The following KIAA1217 variants were observed in gnomAD, a reference collection of about 807,000 sequenced individuals.
The protein encoded by KIAA1217 is sickle tail protein homolog.
In KIAA1217, 88 loss-of-function variants were observed where a neutral mutation model predicts 163.9. The observed-to-expected ratio is 0.54, with a 90% CI of 0.45 to 0.64. KIAA1217 has a LOEUF of 0.64. Among genes scored for constraint, KIAA1217 ranks in the 30% least tolerant of loss-of-function variants. The pLI is 0.00. For synonymous variants in KIAA1217, 903 were observed against 923.1 expected (o/e 0.98, Z 0.39); for missense variants, 2,372 against 2,475.0 (o/e 0.96, Z 0.88).
intron 1 of KIAA1217, among the ~76,000 whole-genome samples, chr10:23,741,291 C>A (rs1452111496): frequency 2.0e-5 from 3 of 152,186 alleles, no homozygotes; most frequent in Non-Finnish European, 4.4e-5. Context: ...TGACAACATT[C>A]TTTAAAGATC....
intron 2 of KIAA1217, among the ~76,000 whole-genome samples, chr10:24,257,371 A>G (rs1185240312): frequency 6.6e-6 from 1 of 152,180 alleles, no homozygotes; most frequent in African/African-American, 2.4e-5. Flanking sequence ...ACCATACTCC[A>G]AATTCCCCTG....
chr10:24,054,415 G>A (rs534694806), intron 2 of KIAA1217, among the ~76,000 whole-genome samples: 1 of 152,268 alleles, frequency 6.6e-6, no homozygotes, highest in Non-Finnish European at 1.5e-5. Flanking sequence ...AAAAGAGAAT[G>A]TGGCCCATCT....
At chr10:24,239,695 G>T (rs112463809) in intron 2 of KIAA1217, among the ~76,000 whole-genome samples, 71 of 140,892 alleles carry the variant, frequency 5.0e-4, no homozygotes, top group East Asian at 1.0e-3. Flanking sequence ...GTGTGTGTGT[G>T]TTTGTGTGTG....
At chr10:24,254,494 A>G (rs567089845) in intron 2 of KIAA1217, among the ~76,000 whole-genome samples, 4 of 152,306 alleles carry the variant, frequency 2.6e-5, no homozygotes, top group African/African-American at 9.6e-5. Flanking sequence ...AGGCCATACC[A>G]TTAGGAAATG....
chr10:24,171,963 C>T (rs2065651997), intron 2 of KIAA1217, among the ~76,000 whole-genome samples: 2 of 152,150 alleles, frequency 1.3e-5, no homozygotes, highest in African/African-American at 4.8e-5. Context: ...ATCCTCACAA[C>T]ATCCTCTGAG....
chr10:23,780,693 T>C (rs1167831708), intron 1 of KIAA1217, among the ~76,000 whole-genome samples: 2 of 152,168 alleles, frequency 1.3e-5, no homozygotes, highest in East Asian at 3.9e-4. Flanking sequence ...TTTGGGAGGG[T>C]GGGGGGAATG....
At chr10:23,828,352 A>G (rs1219111196) in intron 1 of KIAA1217, among the ~76,000 whole-genome samples, 1 of 152,130 alleles carries the variant, frequency 6.6e-6, no homozygotes, top group Non-Finnish European at 1.5e-5. Flanking sequence ...CCTGCTCTCC[A>G]AACTTCTAGA....
chr10:23,900,463 A>T (rs929982685), intron 1 of KIAA1217, among the ~76,000 whole-genome samples: 6 of 152,100 alleles, frequency 3.9e-5, no homozygotes, highest in African/African-American at 1.4e-4. Flanking sequence ...ATGATATATG[A>T]GACAGTCTCA....
chr10:24,299,510 C>T (rs575132885), intron 2 of KIAA1217, among the ~76,000 whole-genome samples: 92 of 152,220 alleles, frequency 6.0e-4, no homozygotes, highest in Non-Finnish European at 9.9e-4. Flanking sequence ...ACAGTCCTCC[C>T]ACCTCAGCCT....
chr10:24,524,714 A>G lies in KIAA1217; in HGVS notation c.2848A>G (p.Ile950Val), dbSNP rs1222361888. 6.2e-7 allele frequency: 1 copy of G among 1,611,184 alleles called. No individual in the cohort carries two copies. The highest frequency in any genetic ancestry group is 8.5e-7 in the Non-Finnish European group (1 of 1,177,788). ...MNGSAMQSLF[I>V]EEIHSVSAKN... ...TGGGTCTGCCATGCAGAGCTTGTTCATTGAAGAAATCCACAGTGTGAGTGC... is the reference window on the plus strand; with the variant it reads ...TGGGTCTGCCATGCAGAGCTTGTTCGTTGAAGAAATCCACAGTGTGAGTGC... Residue 950 changes from isoleucine (I) to valine (V), a missense_variant, in exon 13 of 21, where the codon ATT (isoleucine) becomes GTT (valine). Coordinates refer to ENST00000376454, the MANE Select transcript of KIAA1217 (RefSeq NM_019590.5).
intron 1 of KIAA1217, among the ~76,000 whole-genome samples, chr10:23,924,349 C>CAATG (rs1842949246): frequency 2.0e-5 from 3 of 151,886 alleles, no homozygotes; most frequent in African/African-American, 7.3e-5. Context: ...CCAGAATGAC[C>CAATG]AAAGAACAAA....
Position 24,171,171 on chromosome 10 carries a change from G to A in KIAA1217, c.-170-48455G>A, listed in dbSNP as rs1343066595. Among the ~76,000 whole-genome samples, 9 of 152,338 alleles carry A rather than the reference G, an allele frequency of 5.9e-5. No individual in the cohort carries two copies. The East Asian group carries it at 1.5e-3, about 26-fold the overall frequency. Reference sequence around the variant, plus strand: ...CAGCCAAATTAGGTACTCCCAGAATGTGAGTGCTCCGAGCAAATGGGTTTG... The same window carrying A: ...CAGCCAAATTAGGTACTCCCAGAATATGAGTGCTCCGAGCAAATGGGTTTG... On this transcript the variant is annotated intron_variant, in intron 2 of 18. Transcript: ENST00000376462.
chr10:24,197,381 CCT>C (rs1308473573), intron 2 of KIAA1217, among the ~76,000 whole-genome samples: 1 of 152,196 alleles, frequency 6.6e-6, no homozygotes, highest in African/African-American at 2.4e-5. Flanking sequence ...AATTTTCATC[CCT>C]GTTTCTAGAA....
chr10:23,733,603 A>T (rs1414451), intron 1 of KIAA1217, among the ~76,000 whole-genome samples: 2 of 151,818 alleles, frequency 1.3e-5, no homozygotes, highest in Admixed American at 6.6e-5. Context: ...TTTAAAATTC[A>T]TATTATTTTT....
At chr10:23,883,869 G>T (rs899083865) in intron 1 of KIAA1217, among the ~76,000 whole-genome samples, 1 of 151,820 alleles carries the variant, frequency 6.6e-6, no homozygotes. Flanking sequence ...AGTTGGAATC[G>T]CATTGTATGT....
intron 2 of KIAA1217, among the ~76,000 whole-genome samples, chr10:24,117,054 G>C (rs973034227): frequency 6.6e-6 from 1 of 151,510 alleles, no homozygotes; most frequent in Non-Finnish European, 1.5e-5. Context: ...TTGGGTGGGG[G>C]GGGATGGAGT....
intron 2 of KIAA1217, among the ~76,000 whole-genome samples, chr10:24,258,191 C>A (rs1564357373): frequency 6.6e-6 from 1 of 152,066 alleles, no homozygotes; most frequent in Non-Finnish European, 1.5e-5. Flanking sequence ...CTCAACCTAA[C>A]TCTGATGAGG....
chr10:23,698,786 AT>A lies in KIAA1217; in HGVS notation c.-321+3561del, dbSNP rs879270835. 4.0e-5 allele frequency among the ~76,000 whole-genome samples: 6 copies of A among 151,088 alleles called. No individual in the cohort carries two copies. In the East Asian group the frequency reaches 7.8e-4, roughly 20 times the overall value. ...GGCAGTCTAACGGATCGGCTATCCT[AT>A]TTTTTTTTCCTTTTTGAGACAGGGT... On this transcript the variant is annotated intron_variant, in intron 1 of 18. Transcript: ENST00000376462.
At chr10:24,528,322 G>GT (rs374557035) in intron 14 of KIAA1217, among the ~76,000 whole-genome samples, 11,536 of 134,258 alleles carry the variant, frequency 0.086, 587 homozygotes, top group South Asian at 0.2. Flanking sequence ...TTTTTTTTTT[G>GT]TTTTTTTTTT....
Sources: gnomAD v4.1 joint callset for allele counts (sites outside exome capture counted in the v4.1 genomes callset) on GRCh38, gnomAD v4.1.1 for gene constraint, MANE v1.5 for transcripts, NCBI Gene and HGNC (gene_info 2026-07-23, HGNC 2026-07-21) for gene names.